Variants in RIMS1 observed in about 807,000 individuals in gnomAD.
The protein encoded by RIMS1 is regulating synaptic membrane exocytosis protein 1.
RIMS1 carries 83 observed loss-of-function variants against 214.1 expected under a neutral mutation model. The observed-to-expected ratio is 0.39, with a 90% CI of 0.32 to 0.47. The LOEUF is 0.47. Ranked by LOEUF, RIMS1 falls within the 20% of genes least tolerant of loss-of-function variation. The pLI, the probability that RIMS1 is intolerant of heterozygous loss-of-function variation, is 0.99. For missense variants in RIMS1, 2,050 were observed against 2,161.8 expected (o/e 0.95, Z 1.03); for synonymous variants, 793 against 786.8 (o/e 1.01, Z -0.13).
At position 72,159,732 on chromosome 6, in the gene RIMS1, C is replaced by A. The variant is rs1430302635; in HGVS notation, c.472-19843C>A. 2.9e-5 allele frequency among the ~76,000 whole-genome samples: 4 copies of A among 139,946 alleles called. 1 individual carries two copies. The highest frequency in any genetic ancestry group is 6.5e-5 in the Non-Finnish European group (4 of 61,682). 91.8% of individuals were successfully genotyped at this position (139,946 alleles called of 152,430 possible). A position where few individuals can be genotyped will look rare whatever the true frequency, so the allele number is the denominator to read the frequency against. ...CAGCATTATTTCTGAGGGCTCTGTT[C>A]TGTTCCATTGATCTATATCTCTGTT... is the stretch of plus-strand genomic sequence containing the variant. On this transcript the variant is annotated intron_variant, in intron 4 of 33. Transcript: ENST00000521978.
intron 4 of RIMS1, among the ~76,000 whole-genome samples, chr6:72,153,774 A>G (rs1183008436): frequency 1.3e-5 from 2 of 152,198 alleles, no homozygotes; most frequent in Non-Finnish European, 2.9e-5. Context: ...TTATACTGGT[A>G]TCTTCTTAAA....
Position 72,042,096 on chromosome 6 carries a change from A to G in RIMS1, c.246-54853A>G, listed in dbSNP as rs564272144. 2.0e-5 allele frequency among the ~76,000 whole-genome samples: 3 copies of G among 151,974 alleles called. No homozygotes were observed. The South Asian group carries it at 6.2e-4, about 32-fold the overall frequency. ...AAATATTTCTTGGTATCACGAAAACATTTTTTCTAAATGAGCATATTTTAA... is the reference window on the plus strand; with the variant it reads ...AAATATTTCTTGGTATCACGAAAACGTTTTTTCTAAATGAGCATATTTTAA... On this transcript the variant is annotated intron_variant, in intron 2 of 33. Transcript: ENST00000521978.
intron 1 of RIMS1, among the ~76,000 whole-genome samples, chr6:71,939,001 A>T (rs950629387): frequency 3.9e-5 from 6 of 152,192 alleles, no homozygotes; most frequent in Non-Finnish European, 7.3e-5. Flanking sequence ...GTATGCAGTT[A>T]AAAGAAGCCA....
chr6:72,260,286 A>T (rs906406692), intron 18 of RIMS1, among the ~76,000 whole-genome samples: 3 of 152,136 alleles, frequency 2.0e-5, no homozygotes, highest in African/African-American at 7.2e-5. Context: ...AGTGGCTATA[A>T]AAGCCAAGAA....
chr6:72,358,724 G>A (rs961069940), intron 29 of RIMS1, among the ~76,000 whole-genome samples: 1 of 152,128 alleles, frequency 6.6e-6, no homozygotes, highest in African/African-American at 2.4e-5. Context: ...ATTGATTGAA[G>A]GCAGGAGGGA....
At chr6:72,050,351 T>C (rs369215001) in intron 2 of RIMS1, among the ~76,000 whole-genome samples, 4 of 152,340 alleles carry the variant, frequency 2.6e-5, no homozygotes, top group African/African-American at 9.6e-5. Flanking sequence ...AATTCATCTC[T>C]CTTAAAGCCT....
intron 2 of RIMS1, among the ~76,000 whole-genome samples, chr6:72,076,830 C>A (rs1183324193): frequency 1.3e-5 from 2 of 152,138 alleles, no homozygotes; most frequent in Non-Finnish European, 2.9e-5. Context: ...ATGTGGCTTG[C>A]CTCTCTCCTG....
rs2064921992 is a variant in RIMS1 at position 72,237,891 on chromosome 6, C to T, written c.1926C>T (p.Ser642=). 6.2e-7 allele frequency: 1 copy of T among 1,613,078 alleles called. No homozygotes were observed. The highest frequency in any genetic ancestry group is 1.1e-5 in the South Asian group (1 of 91,010). Residue 642 remains serine (S), a synonymous_variant, in exon 9 of 34, where the codon AGC becomes AGT. Coordinates refer to ENST00000521978, the MANE Select transcript of RIMS1 (RefSeq NM_014989.7). The stretch of plus-strand genomic sequence containing the variant: ...TCATCACCAAAGTAAAGAAGGGTAG[C>T]CTAGCAGATGTAGTTGGACACCTAA... ...GAFITKVKKG[S]LADVVGHLRA...
rs2098828935 is a variant in RIMS1, at chr6:72,400,567, A to G, written c.4932A>G (p.Glu1644=). ...TGGGTGTGGCTCAGATCTTGTTGGA[A>G]GAACTCGACCTGTCCAGCATGGTGA... is the stretch of plus-strand genomic sequence containing the variant. The part of the protein sequence containing the change: ...CFMGVAQILL[E]ELDLSSMVIG... The change falls in exon 34 of 34, where the codon GAA becomes GAG. Residue 1644 remains glutamate (E), a synonymous_variant. Coordinates refer to ENST00000521978, the MANE Select transcript of RIMS1 (RefSeq NM_014989.7). The G allele has an allele frequency of 1.9e-6, 3 of 1,613,976 alleles. No individual in the cohort carries two copies. Among genetic ancestry groups the G allele is most frequent in the Non-Finnish European group, 2.5e-6 (3 of 1,179,884 alleles).
intron 1 of RIMS1, among the ~76,000 whole-genome samples, chr6:71,924,182 G>C (rs1368497942): frequency 6.6e-6 from 1 of 152,166 alleles, no homozygotes; most frequent in East Asian, 1.9e-4. Context: ...ACCTAGGTTA[G>C]AGTTTATAAT....
chr6:72,170,805 C>T (rs1390588103), intron 4 of RIMS1, among the ~76,000 whole-genome samples: 1 of 152,056 alleles, frequency 6.6e-6, no homozygotes, highest in Non-Finnish European at 1.5e-5. Flanking sequence ...GAGTGTATCA[C>T]TTTATATTGC....
intron 2 of RIMS1, among the ~76,000 whole-genome samples, chr6:72,032,796 A>T (rs1020728147): frequency 2.6e-5 from 4 of 152,172 alleles, no homozygotes; most frequent in Non-Finnish European, 4.4e-5. Flanking sequence ...ATTCAGAAGG[A>T]TCTACGTGCC....
At chr6:72,051,445 A>C (rs1441719819) in intron 2 of RIMS1, among the ~76,000 whole-genome samples, 1 of 152,216 alleles carries the variant, frequency 6.6e-6, no homozygotes, top group Non-Finnish European at 1.5e-5. Flanking sequence ...GTCCAAGGTC[A>C]CACGCTAGTA....
At chr6:71,977,052 C>A (rs1374911382) in intron 2 of RIMS1, among the ~76,000 whole-genome samples, 1 of 152,110 alleles carries the variant, frequency 6.6e-6, no homozygotes, top group Non-Finnish European at 1.5e-5. Context: ...CTGTGTCCTA[C>A]AATAGCGGAT....
chr6:71,966,796 A>G (rs1794575840), intron 1 of RIMS1, among the ~76,000 whole-genome samples: 1 of 152,210 alleles, frequency 6.6e-6, no homozygotes, highest in African/African-American at 2.4e-5. Flanking sequence ...GTGCTGGATT[A>G]CAGGCGTGAG....
At chr6:72,316,539 C>A in intron 28 of RIMS1, 1 of 382,392 alleles carries the variant, frequency 2.6e-6, no homozygotes, top group South Asian at 2.2e-5. Flanking sequence ...CCTTGGCTCC[C>A]TATCAAGAAG....
intron 10 of RIMS1, among the ~76,000 whole-genome samples, chr6:72,242,790 CCTCTT>C (rs914328378): frequency 5.3e-4 from 81 of 151,878 alleles, no homozygotes; most frequent in African/African-American, 1.8e-3. Context: ...CTAACAAACT[CCTCTT>C]CTTGTGATAT....
At chr6:72,205,625 G>A (rs1260465686) in intron 6 of RIMS1, among the ~76,000 whole-genome samples, 1 of 152,112 alleles carries the variant, frequency 6.6e-6, no homozygotes, top group Non-Finnish European at 1.5e-5. Context: ...CAAATAATGA[G>A]TCAACTTGTC....
chr6:72,313,590 A>C lies in RIMS1; in HGVS notation c.4048A>C (p.Ile1350Leu). The C allele has an allele frequency of 6.2e-7, 1 of 1,613,790 alleles. No individual in the cohort carries two copies. Residue 1350 changes from isoleucine (I) to leucine (L), a missense_variant, in exon 28 of 34, where the codon ATT becomes CTT. Ile to Leu is a conservative substitution (Grantham distance 5, BLOSUM62 2). Around this residue, in one of 6 missense-constraint regions of RIMS1, gnomAD observed 889 missense variants for 885.5 expected, o/e 1.00. Coordinates refer to ENST00000521978, the MANE Select transcript of RIMS1 (RefSeq NM_014989.7). ...SDSDVSDVSA[I>L]SRTSSASRLS... Reference sequence around the variant, plus strand: ...TAGTGATGTCAGTGATGTTTCCGCCATTTCCCGAACCAGCAGTGCCTCACG... The same window carrying C: ...TAGTGATGTCAGTGATGTTTCCGCCCTTTCCCGAACCAGCAGTGCCTCACG...
Sources: gnomAD v4.1 joint callset for allele counts (sites outside exome capture counted in the v4.1 genomes callset) on GRCh38, gnomAD v4.1.1 for gene constraint, gnomAD v4.1.1 regional missense constraint, MANE v1.5 for transcripts, NCBI Gene and HGNC (gene_info 2026-07-23, HGNC 2026-07-21) for gene names.